The following SYNE1 variants were observed in gnomAD, a reference collection of about 807,000 sequenced individuals.
SYNE1 encodes spectrin repeat containing nuclear envelope protein 1.
A neutral mutation model predicts 1,111.0 loss-of-function variants in SYNE1; 616 were observed. That is an observed-to-expected ratio of 0.55 (90% CI 0.52 to 0.59). The LOEUF (loss-of-function observed/expected upper bound fraction) is 0.59. Among genes scored for constraint, SYNE1 ranks in the 20% least tolerant of loss-of-function variants. The pLI is 0.00. For synonymous variants in SYNE1, 3,855 were observed against 3,825.8 expected (o/e 1.01, Z -0.28); for missense variants, 10,006 against 10,417.0 (o/e 0.96, Z 1.72).
chr6:152,396,824 A>G lies in SYNE1; in HGVS notation c.7507T>C (p.Cys2503Arg). 2 of 1,614,194 alleles carry G rather than the reference A, an allele frequency of 1.2e-6. No individual in the cohort carries two copies. The highest frequency in any genetic ancestry group is 2.2e-5 in the East Asian group (1 of 44,880). ...TGAAGAGCCTGCTTATCTTTAAGGCATTGTTTCAGAAATGCTTGAAACTCT... is the reference window on the plus strand; with the variant it reads ...TGAAGAGCCTGCTTATCTTTAAGGCGTTGTTTCAGAAATGCTTGAAACTCT... ...NEEFQAFLKQ[C>R]LKDKQALQDC... The change falls in exon 50 of 146, where the codon TGC becomes CGC. Residue 2503 changes from cysteine (C) to arginine (R), a missense_variant. Cys to Arg is a radical substitution (Grantham distance 180). Around this residue, in one of 7 missense-constraint regions of SYNE1, gnomAD observed 4,955 missense variants for 5,017.2 expected, o/e 0.99. Coordinates refer to ENST00000367255, the MANE Select transcript of SYNE1 (RefSeq NM_182961.4).
intron 98 of SYNE1, 177 bp downstream of exon 98, chr6:152,277,912 T>A: frequency 1.3e-6 from 1 of 767,612 alleles, no homozygotes; most frequent in Non-Finnish European, 2.3e-6. Flanking sequence ...TATTTGCAAA[T>A]GTTTGCCAAA....
Position 152,506,109 on chromosome 6 carries a change from G to A in SYNE1, c.582-712C>T, listed in dbSNP as rs570338055. ...TGGTAAATCTTTTTTCTTTGATGGC[G>A]GATTTGATTAACTCAAAGCCAGTTA... is the stretch of plus-strand genomic sequence containing the variant. On this transcript the variant is annotated intron_variant, in intron 8 of 145. Coordinates refer to ENST00000367255, the MANE Select transcript of SYNE1 (RefSeq NM_182961.4). 1.3e-4 allele frequency among the ~76,000 whole-genome samples: 20 copies of A among 152,218 alleles called. No homozygotes were observed. In the South Asian group the frequency reaches 2.3e-3, roughly 17 times the overall value.
At chr6:152,275,358 AT>A (rs1446951723) in intron 98 of SYNE1, among the ~76,000 whole-genome samples, 1 of 151,960 alleles carries the variant, frequency 6.6e-6, no homozygotes, top group African/African-American at 2.4e-5. Context: ...CCTGTGATAC[AT>A]TTTTCTGTAA....
At chr6:152,523,362 G>GT (rs1333867733) in intron 5 of SYNE1, among the ~76,000 whole-genome samples, 1 of 152,042 alleles carries the variant, frequency 6.6e-6, no homozygotes. Context: ...TCATTTGATT[G>GT]TAAGTATTTG....
intron 95 of SYNE1, 92 bp from the exon 96 acceptor site, chr6:152,284,264 G>A: frequency 7.6e-7 from 1 of 1,318,090 alleles, no homozygotes; most frequent in Non-Finnish European, 1.1e-6. Context: ...ATTGGGATTA[G>A]CGGAAGAGAT....
intron 102 of SYNE1, 33 bp from the exon 103 acceptor site, chr6:152,255,779 T>G: frequency 6.2e-7 from 1 of 1,613,488 alleles, no homozygotes; most frequent in African/African-American, 1.3e-5. Context: ...AAATAATCAA[T>G]TTCAGTGTTT....
At chr6:152,523,905 C>A (rs1358843723) in intron 5 of SYNE1, among the ~76,000 whole-genome samples, 2 of 152,052 alleles carry the variant, frequency 1.3e-5, no homozygotes, top group Non-Finnish European at 2.9e-5. Context: ...GATTTTGTAA[C>A]CTGAGACTTT....
In SYNE1 at chr6:152,292,713, G is replaced by A. The variant is rs989273428; in HGVS notation, c.18012+875C>T. 3.9e-5 allele frequency among the ~76,000 whole-genome samples: 6 copies of A among 152,150 alleles called. 1 individual carries two copies. The highest frequency in any genetic ancestry group is 8.8e-5 in the Non-Finnish European group (6 of 68,010). On this transcript the variant is annotated intron_variant, in intron 95 of 145. Transcript: ENST00000367255. ...TAAGTTACCCTGTGTTGATAAACATGCTTACCATGCCATGCTTTCATAGCT... is the reference window on the plus strand; with the variant it reads ...TAAGTTACCCTGTGTTGATAAACATACTTACCATGCCATGCTTTCATAGCT...
At chr6:152,492,894 AC>A (rs1457244939) in intron 11 of SYNE1, among the ~76,000 whole-genome samples, 3 of 151,364 alleles carry the variant, frequency 2.0e-5, no homozygotes, top group African/African-American at 7.3e-5. Context: ...AAACTCCCCC[AC>A]TCTGGTGTCA....
At chr6:152,177,980 A>G (rs1380861368) in intron 129 of SYNE1, among the ~76,000 whole-genome samples, 1 of 152,016 alleles carries the variant, frequency 6.6e-6, no homozygotes, top group East Asian at 1.9e-4. Context: ...AAAATTACCA[A>G]ACCTTGATGT....
At chr6:152,289,193 CA>C (rs2094466188) in intron 95 of SYNE1, among the ~76,000 whole-genome samples, 1 of 152,122 alleles carries the variant, frequency 6.6e-6, no homozygotes, top group Non-Finnish European at 1.5e-5. Flanking sequence ...AGCTACCCGA[CA>C]ATATATGATT....
chr6:152,352,074 GTTCTTCAGGAACATGTAGAAT>G lies in SYNE1; in HGVS notation c.11512_11532del (p.Ile3838_Glu3844del). On this transcript the variant is annotated inframe_deletion, in exon 70 of 146. Transcript: ENST00000367255. The stretch of plus-strand genomic sequence containing the variant: ...TTTTTCTCATATAATTCCATTTTGG[GTTCTTCAGGAACATGTAGAAT>G]TTCCTGGTATTCTGCTATCCACTGT... The G allele has an allele frequency of 6.2e-7, 1 of 1,614,140 alleles. No individual in the cohort carries two copies. Among genetic ancestry groups the G allele is most frequent in the Non-Finnish European group, 8.5e-7 (1 of 1,180,020 alleles).
intron 3 of SYNE1, among the ~76,000 whole-genome samples, chr6:152,625,379 C>T (rs1631457): frequency 0.68 from 102,481 of 151,720 alleles, 34,685 homozygotes; most frequent in Non-Finnish European, 0.7. Flanking sequence ...ATTAATCCAG[C>T]TGATCAATTT....
At chr6:152,572,662 A>G (rs1169934499) in intron 3 of SYNE1, among the ~76,000 whole-genome samples, 2 of 152,200 alleles carry the variant, frequency 1.3e-5, no homozygotes, top group Non-Finnish European at 2.9e-5. Context: ...CGTTCCAGAA[A>G]AAGTCTTTCC....
At chr6:152,624,592 T>C (rs958310312) in intron 3 of SYNE1, among the ~76,000 whole-genome samples, 5 of 152,312 alleles carry the variant, frequency 3.3e-5, no homozygotes, top group African/African-American at 9.6e-5. Context: ...TTAATACCCC[T>C]TTATTATACT....
chr6:152,184,633 TAG>T (rs758593616), intron 128 of SYNE1, among the ~76,000 whole-genome samples: 850 of 79,248 alleles, frequency 0.011, 8 homozygotes, highest in East Asian at 0.038. Flanking sequence ...TACACATATA[TAG>T]ATAGATAGAT....
At chr6:152,563,468 C>T (rs1028121218) in intron 3 of SYNE1, among the ~76,000 whole-genome samples, 2 of 151,926 alleles carry the variant, frequency 1.3e-5, no homozygotes, top group South Asian at 2.1e-4. Flanking sequence ...ATTTTTCATT[C>T]GATATTTAGA....
chr6:152,312,073 T>C (rs1406749125), intron 87 of SYNE1, among the ~76,000 whole-genome samples: 1 of 152,196 alleles, frequency 6.6e-6, no homozygotes, highest in African/African-American at 2.4e-5. Context: ...CGTGAGCCAC[T>C]GCGCACAGCC....
intron 105 of SYNE1, among the ~76,000 whole-genome samples, chr6:152,245,843 TC>T (rs1259020332): frequency 6.6e-6 from 1 of 151,994 alleles, no homozygotes; most frequent in Non-Finnish European, 1.5e-5. Context: ...CCCTTTTTCT[TC>T]CCGGGTAAAA....
Sources: gnomAD v4.1 joint callset for allele counts (sites outside exome capture counted in the v4.1 genomes callset) on GRCh38, gnomAD v4.1.1 for gene constraint, gnomAD v4.1.1 regional missense constraint, MANE v1.5 for transcripts, NCBI Gene and HGNC (gene_info 2026-07-23, HGNC 2026-07-21) for gene names.